Variants in ADGRV1 observed in about 807,000 individuals in gnomAD.
ADGRV1 encodes the protein G-protein coupled receptor 98.
Under a neutral mutation model 596.2 loss-of-function variants are expected in ADGRV1, and 359 were observed. That is an observed-to-expected ratio of 0.60 (90% confidence interval 0.55 to 0.66). The LOEUF (loss-of-function observed/expected upper bound fraction) is 0.66. ADGRV1 is among the 30% of genes least tolerant of loss of function. ADGRV1 has a pLI of 0.00. For missense variants in ADGRV1, 7,274 were observed against 7,575.6 expected, an observed-to-expected ratio of 0.96 and a Z score of 1.48; for synonymous variants, 2,681 against 2,679.2, an observed-to-expected ratio of 1.00 and a Z score of -0.02.
Position 90,705,380 on chromosome 5 carries a change from T to G in ADGRV1, c.8387-20T>G. The G allele has an allele frequency of 6.2e-7, 1 of 1,610,660 alleles. No homozygotes were observed. Among genetic ancestry groups the G allele is most frequent in the African/African-American group, 1.3e-5 (1 of 74,990 alleles). On this transcript the variant is annotated intron_variant, in intron 36 of 89. Transcript: ENST00000405460. ...AAGCTAATGCCAAATCACTGTTAGA[T>G]TCCTGCCTGACATTTTTAGGAGTTC... is the stretch of plus-strand genomic sequence containing the variant.
At chr5:90,608,133 A>G (rs1482935479) in intron 1 of ADGRV1, among the ~76,000 whole-genome samples, 2 of 152,110 alleles carry the variant, frequency 1.3e-5, no homozygotes, top group East Asian at 3.9e-4. Flanking sequence ...AAAATCAAAG[A>G]ATCGGTAATT....
intron 86 of ADGRV1, among the ~76,000 whole-genome samples, chr5:91,074,608 T>G (rs924585708): frequency 6.6e-6 from 1 of 152,244 alleles, no homozygotes; most frequent in Non-Finnish European, 1.5e-5. Flanking sequence ...ATGTCTTTGC[T>G]ATTGTGAATA....
At position 90,965,532 on chromosome 5, in the gene ADGRV1, G is replaced by A. The variant is rs1018025862; in HGVS notation, c.17973+1G>A. On this transcript the variant is annotated splice_donor_variant, in intron 84 of 89. Coordinates refer to ENST00000405460, the MANE Select transcript of ADGRV1 (RefSeq NM_032119.4). LOFTEE classifies it high-confidence loss of function. ...CCAGTTTAGCTGGATGCTCATTCAG[G>A]TTGGTACCTCATTCCCTCTCCCCGC... 1 of 1,572,240 alleles carries A rather than the reference G, an allele frequency of 6.4e-7. No individual in the cohort carries two copies.
chr5:91,008,169 T>C (rs1782438176), intron 85 of ADGRV1, among the ~76,000 whole-genome samples: 1 of 152,200 alleles, frequency 6.6e-6, no homozygotes, highest in African/African-American at 2.4e-5. Flanking sequence ...CTCATTCTTT[T>C]TTGTAATCCA....
chr5:91,110,835 A>G (rs960828358), intron 87 of ADGRV1, among the ~76,000 whole-genome samples: 1 of 152,166 alleles, frequency 6.6e-6, no homozygotes, highest in Non-Finnish European at 1.5e-5. Flanking sequence ...ACTTCTCAGT[A>G]TGTCAGTTAT....
chr5:90,928,895 G>A (rs1048888627), intron 83 of ADGRV1, among the ~76,000 whole-genome samples: 1 of 144,658 alleles, frequency 6.9e-6, no homozygotes, highest in Non-Finnish European at 1.5e-5. Flanking sequence ...CCTGCCGTGT[G>A]AGGTGTCAGT....
intron 89 of ADGRV1, among the ~76,000 whole-genome samples, chr5:91,155,190 A>G (rs1796376065): frequency 6.6e-6 from 1 of 152,220 alleles, no homozygotes; most frequent in Admixed American, 6.5e-5. Flanking sequence ...AAAGTAATGG[A>G]GAGAGTTAAA....
intron 8 of ADGRV1, 173 bp downstream of exon 8, chr5:90,629,005 C>T: frequency 4.2e-6 from 3 of 710,960 alleles, no homozygotes; most frequent in South Asian, 3.1e-5. Context: ...ATATTTTACC[C>T]TCTAAAAAAT....
At chr5:91,128,868 C>T (rs1793978887) in intron 87 of ADGRV1, among the ~76,000 whole-genome samples, 4 of 152,064 alleles carry the variant, frequency 2.6e-5, no homozygotes, top group African/African-American at 9.7e-5. Flanking sequence ...TTTTTAAGTT[C>T]CTGGAGGATT....
chr5:90,582,102 A>G (rs975564514), intron 1 of ADGRV1, among the ~76,000 whole-genome samples: 1 of 148,068 alleles, frequency 6.8e-6, no homozygotes, highest in African/African-American at 2.5e-5. Flanking sequence ...TTTATGACCA[A>G]GCATGTGTTT....
At chr5:90,969,003 A>G (rs997576166) in intron 84 of ADGRV1, among the ~76,000 whole-genome samples, 1 of 152,144 alleles carries the variant, frequency 6.6e-6, no homozygotes, top group African/African-American at 2.4e-5. Flanking sequence ...CATTGAAATG[A>G]CTTTATCTTG....
At chr5:90,688,414 G>A (rs1427694506) in intron 29 of ADGRV1, among the ~76,000 whole-genome samples, 3 of 152,190 alleles carry the variant, frequency 2.0e-5, no homozygotes, top group Non-Finnish European at 4.4e-5. Context: ...GTGGAGTGCA[G>A]TGGTGTGATC....
At chr5:90,764,364 G>C (rs1237267767) in intron 59 of ADGRV1, among the ~76,000 whole-genome samples, 1 of 152,228 alleles carries the variant, frequency 6.6e-6, no homozygotes, top group African/African-American at 2.4e-5. Flanking sequence ...GTTGGGCCCT[G>C]TTCTTCCTGT....
Position 90,811,260 on chromosome 5 carries a change from A to G in ADGRV1, c.16000A>G (p.Asn5334Asp), listed in dbSNP as rs188861373. Reference protein sequence around the residue: ...GQEFFYVFLTNPQGGAQIVEE... With the variant: ...GQEFFYVFLTDPQGGAQIVEE... Reference sequence around the variant, plus strand: ...GGAATTCTTCTACGTGTTTCTCACAAACCCTCAAGGGGGAGCACAGATTGT... The same window carrying G: ...GGAATTCTTCTACGTGTTTCTCACAGACCCTCAAGGGGGAGCACAGATTGT... Residue 5334 changes from asparagine (N) to aspartate (D), a missense_variant, in exon 74 of 90, where the codon AAC becomes GAC. Coordinates refer to ENST00000405460, the MANE Select transcript of ADGRV1 (RefSeq NM_032119.4). 3.7e-6 allele frequency: 6 copies of G among 1,612,798 alleles called. No individual in the cohort carries two copies. In the Admixed American group the frequency reaches 8.4e-5, roughly 22 times the overall value.
rs1303634479 is a variant in ADGRV1, at chr5:90,854,047, T to A, written c.17455-15T>A. The A allele has an allele frequency of 6.4e-7, 1 of 1,556,128 alleles. No homozygotes were observed. Among genetic ancestry groups the A allele is most frequent in the Admixed American group, 1.8e-5 (1 of 54,904 alleles). On this transcript the variant is annotated splice_polypyrimidine_tract_variant and intron_variant, in intron 80 of 89. Coordinates refer to ENST00000405460, the MANE Select transcript of ADGRV1 (RefSeq NM_032119.4). Reference sequence around the variant, plus strand: ...TTGTAAAACATCATTATATGTTCTGTTTTTAACATTCTAGGTATTATCTTT... The same window carrying A: ...TTGTAAAACATCATTATATGTTCTGATTTTAACATTCTAGGTATTATCTTT...
chr5:91,149,815 G>A (rs1351839202), intron 87 of ADGRV1, among the ~76,000 whole-genome samples: 1 of 26,004 alleles, frequency 3.8e-5, no homozygotes, highest in Admixed American at 6.1e-4. Context: ...CTCGGTGACA[G>A]AATAAAACTC....
chr5:90,984,282 G>A (rs1232092738), intron 84 of ADGRV1, among the ~76,000 whole-genome samples: 1 of 152,064 alleles, frequency 6.6e-6, no homozygotes, highest in African/African-American at 2.4e-5. Context: ...TTGAGAAGGA[G>A]GATTTATCCA....
intron 21 of ADGRV1, among the ~76,000 whole-genome samples, chr5:90,668,600 C>G (rs7729205): frequency 0.16 from 24,950 of 151,670 alleles, 2,323 homozygotes; most frequent in East Asian, 0.42. Flanking sequence ...AGCTGTAGAC[C>G]AGAGCTGTTC....
intron 82 of ADGRV1, among the ~76,000 whole-genome samples, chr5:90,862,318 A>G (rs1349320604): frequency 6.6e-6 from 1 of 151,992 alleles, no homozygotes; most frequent in Non-Finnish European, 1.5e-5. Context: ...TAAAATGAAA[A>G]AAACCTTGCA....
Sources: gnomAD v4.1 joint callset for allele counts (sites outside exome capture counted in the v4.1 genomes callset) on GRCh38, gnomAD v4.1.1 for gene constraint, MANE v1.5 for transcripts, NCBI Gene and HGNC (gene_info 2026-07-23, HGNC 2026-07-21) for gene names.